Variants in NCOA4 observed in about 807,000 individuals in gnomAD.
NCOA4 encodes the protein nuclear receptor coactivator 4, also known as 70 kDa AR-activator.
A neutral mutation model predicts 69.5 loss-of-function variants in NCOA4; 31 were observed. The observed-to-expected ratio is 0.45, with a 90% CI of 0.34 to 0.60. The LOEUF is 0.60. Among genes scored for constraint, NCOA4 ranks in the 20% least tolerant of loss-of-function variants. The pLI, the probability that NCOA4 is intolerant of heterozygous loss-of-function variation, is 0.02. For missense variants in NCOA4, 600 were observed against 719.2 expected, an observed-to-expected ratio of 0.83 and a Z score of 1.90; for synonymous variants, 228 against 252.4, an observed-to-expected ratio of 0.90 and a Z score of 0.92.
At chr10:46,027,517 G>A (rs782627636) in intron 1 of NCOA4, 108 of 1,527,762 alleles carry the variant, frequency 7.1e-5, no homozygotes, top group Non-Finnish European at 9.4e-5. Context: ...GAAGCAATGT[G>A]TCCAGACATA....
chr10:46,027,581 C>T (rs1316435660), intron 1 of NCOA4: 2 of 1,083,430 alleles, frequency 1.8e-6, no homozygotes, highest in African/African-American at 1.6e-5. Context: ...TTTAAAAGGA[C>T]TAAAAAGTAG....
rs577193980 is a variant in NCOA4 at position 46,016,936 on chromosome 10, T to G, written c.-14-242A>C. Among the ~76,000 whole-genome samples the G allele has an allele frequency of 9.8e-5, 15 of 152,338 alleles. No individual in the cohort carries two copies. The South Asian group carries it at 3.1e-3, about 32-fold the overall frequency. ...GTGACACTTTACATGTGAATAGCTA[T>G]TTCTGGAAAAATACACTAATTGTCC... On this transcript the variant is annotated intron_variant, in intron 1 of 9. Transcript: ENST00000581486.
intron 9 of NCOA4, among the ~76,000 whole-genome samples, 163 bp from the exon 10 acceptor site, chr10:46,006,760 T>G (rs1838840880): frequency 6.6e-6 from 1 of 152,218 alleles, no homozygotes; most frequent in Admixed American, 6.5e-5. Flanking sequence ...CCATTAAAGA[T>G]GGTAAACTTT....
chr10:46,023,480 G>C (rs1431428735), intron 1 of NCOA4: 2 of 985,482 alleles, frequency 2.0e-6, no homozygotes, highest in South Asian at 4.7e-5. Flanking sequence ...TAGCGAGCTG[G>C]AGCGCTCAAG....
At position 46,005,263 on chromosome 10, in the gene NCOA4, A is replaced by G; in HGVS notation, c.*1329T>C. 4.7e-6 allele frequency: 1 copy of G among 214,278 alleles called. No individual in the cohort carries two copies. The allele number at this position is 214,278 out of a possible 1,614,324, so 13.3% of individuals were successfully genotyped here. On this transcript the variant is annotated 3_prime_UTR_variant, in exon 10 of 10. Coordinates refer to ENST00000581486, the MANE Select transcript of NCOA4 (RefSeq NM_001145263.2). ...CTCAAGATAACTGGAAAGGCTCCTT[A>G]CATTGTTTTTGCCCACCACCTTTAT...
intron 1 of NCOA4, among the ~76,000 whole-genome samples, chr10:46,021,836 G>GT (rs2132366837): frequency 6.6e-6 from 1 of 152,268 alleles, no homozygotes; most frequent in East Asian, 1.9e-4. Context: ...GCGCATGCCT[G>GT]TAATTCCAGC....
In NCOA4 at chr10:46,010,252, C is replaced by T; in HGVS notation, c.1669G>A (p.Asp557Asn). 2 of 1,610,458 alleles carry T rather than the reference C, an allele frequency of 1.2e-6. No homozygotes were observed. The highest frequency in any genetic ancestry group is 1.7e-6 in the Non-Finnish European group (2 of 1,178,866). Residue 557 changes from aspartate to asparagine, a missense_variant, in exon 8 of 10, where the codon GAC becomes AAC. Transcript: ENST00000581486. The part of the protein sequence containing the change: ...GNLSQLSSGE[D>N]KWLLRKKAQE... ...GCCTTCTTTCGAAGCAGCCACTTGT[C>T]TTCTCCAGAAGATAACTGGCTGAGG...
At position 46,005,726 on chromosome 10, in the gene NCOA4, T is replaced by TC. The variant is rs1256223661; in HGVS notation, c.*865dup. ...AAAGCACCAGGTGTCAAGCTCAGCT[T>TC]CCATTTACACAGGATGCACCAATTA... On this transcript the variant is annotated 3_prime_UTR_variant, in exon 10 of 10. Coordinates refer to ENST00000581486, the MANE Select transcript of NCOA4 (RefSeq NM_001145263.2). 27 of 216,742 alleles carry TC rather than the reference T, an allele frequency of 1.2e-4. No homozygotes were observed. The East Asian group carries it at 1.7e-3, about 14-fold the overall frequency. The allele number at this position is 216,742 out of a possible 1,614,324, so 13.4% of individuals were successfully genotyped here. A position where few individuals can be genotyped will look rare whatever the true frequency, so the allele number is the denominator to read the frequency against.
intron 9 of NCOA4, among the ~76,000 whole-genome samples, chr10:46,007,386 G>GT (rs1838892886): frequency 6.6e-6 from 1 of 152,178 alleles, no homozygotes; most frequent in African/African-American, 2.4e-5. Flanking sequence ...AATGCAAGGT[G>GT]AAGTAGCAAG....
In NCOA4 at chr10:46,014,550, A is replaced by G. The variant is rs1382319553; in HGVS notation, c.374T>C (p.Leu125Pro). The change falls in exon 5 of 10, where the codon CTG (leucine) becomes CCG (proline). Residue 125 changes from leucine to proline, a missense_variant and splice_region_variant. By Grantham distance (98) the Leu-to-Pro change is moderately conservative. Coordinates refer to ENST00000581486, the MANE Select transcript of NCOA4 (RefSeq NM_001145263.2). The part of the protein sequence containing the change: ...ANQVSVCLER[L>P]GSLTLKPEDS... ...TTCAGGCTTAAGGGTCAAACTGCCC[A>G]GTCTGGGGAAAAAAAAACAAAATTG... 1 of 1,593,726 alleles carries G rather than the reference A, an allele frequency of 6.3e-7. No homozygotes were observed. Among genetic ancestry groups the G allele is most frequent in the Non-Finnish European group, 8.5e-7 (1 of 1,172,458 alleles).
At chr10:46,013,508 C>T in intron 6 of NCOA4, 42 bp downstream of exon 6, 1 of 1,419,754 alleles carries the variant, frequency 7.0e-7, no homozygotes, top group Non-Finnish European at 9.9e-7. Flanking sequence ...GAAGTATAAG[C>T]CAAGTAATGA....
intron 7 of NCOA4, among the ~76,000 whole-genome samples, chr10:46,011,881 A>T (rs1194495922): frequency 2.6e-5 from 4 of 151,158 alleles, no homozygotes; most frequent in Non-Finnish European, 4.4e-5. Context: ...GAAACCCCGT[A>T]TCTACTAAAA....
At chr10:46,023,071 A>C (rs1398591964) in intron 1 of NCOA4, among the ~76,000 whole-genome samples, 1 of 152,246 alleles carries the variant, frequency 6.6e-6, no homozygotes, top group Non-Finnish European at 1.5e-5. Context: ...CTAAAGTAGT[A>C]ACTGAAAACC....
At chr10:46,027,402 G>A in intron 1 of NCOA4, 2 of 1,548,084 alleles carry the variant, frequency 1.3e-6, no homozygotes, top group Non-Finnish European at 1.7e-6. Flanking sequence ...TCCTCTAACT[G>A]ACATGCATGG....
rs554703246 is a variant in NCOA4 at position 46,030,521 on chromosome 10, C to T, written c.-15+5G>A. The T allele has an allele frequency of 6.6e-6, 1 of 152,528 alleles. No homozygotes were observed. The highest frequency in any genetic ancestry group is 2.4e-5 in the African/African-American group (1 of 41,606). The allele number at this position is 152,528 out of a possible 1,614,324, so 9.4% of individuals were successfully genotyped here. A position where few individuals can be genotyped will look rare whatever the true frequency, so the allele number is the denominator to read the frequency against. On this transcript the variant is annotated splice_donor_5th_base_variant and intron_variant, in intron 1 of 9. Transcript: ENST00000581486. ...GAGCCTCCACCCGGCCCACAGCGTT[C>T]TTACCAGGTCCGAGTGCCTCTCCAG...
At position 46,010,486 on chromosome 10, in the gene NCOA4, G is replaced by T; in HGVS notation, c.1435C>A (p.Pro479Thr). Residue 479 changes from proline (P) to threonine (T), a missense_variant, in exon 8 of 10, where the codon CCT (proline) becomes ACT (threonine). Transcript: ENST00000581486. The stretch of plus-strand genomic sequence containing the variant: ...TGGAAGGAATCAGCAATTCTAGAAG[G>T]AGTCATTGCCTTTGGTGCTTTAGTT... ...EQTKAPKAMTPSRIADSFQVI... is the reference protein window; with the variant it reads ...EQTKAPKAMTTSRIADSFQVI... The T allele has an allele frequency of 6.2e-7, 1 of 1,614,210 alleles. No homozygotes were observed.
rs1343752293 is a variant in NCOA4 at position 46,006,347 on chromosome 10, T to A, written c.*245A>T. On this transcript the variant is annotated 3_prime_UTR_variant, in exon 10 of 10. Coordinates refer to ENST00000581486, the MANE Select transcript of NCOA4 (RefSeq NM_001145263.2). The stretch of plus-strand genomic sequence containing the variant: ...AAGATGCTGCATTTCTAGTGTGGGG[T>A]GAATTAAAATACTTCTGTAAGAAGG... The A allele has an allele frequency of 1.9e-6, 1 of 518,886 alleles. No homozygotes were observed. The highest frequency in any genetic ancestry group is 3.5e-6 in the Non-Finnish European group (1 of 287,822). 32.1% of individuals were successfully genotyped at this position (518,886 alleles called of 1,614,324 possible).
chr10:46,015,135 C>G lies in NCOA4; in HGVS notation c.273G>C (p.Gln91His). ...CATGCAGTCACCTTACCGAGTAGAG[C>G]TGCTGAGCCTGCTGTTGAAGTGTCT... ...KEETLQQQAQ[Q>H]LYSLLGQFNC... The change falls in exon 3 of 10, where the codon CAG (glutamine) becomes CAC (histidine). Residue 91 changes from glutamine to histidine, a missense_variant. By Grantham distance (24) the Gln-to-His change is conservative. Transcript: ENST00000581486. The G allele has an allele frequency of 6.2e-7, 1 of 1,614,222 alleles. No homozygotes were observed. Among genetic ancestry groups the G allele is most frequent in the Non-Finnish European group, 8.5e-7 (1 of 1,180,048 alleles).
intron 5 of NCOA4, 89 bp from the exon 6 acceptor site, chr10:46,013,728 CA>C: frequency 1.1e-6 from 1 of 874,140 alleles, no homozygotes; most frequent in Non-Finnish European, 1.8e-6. Context: ...AATGTTAAAG[CA>C]TTACCATTTC....
Sources: allele counts gnomAD v4.1 joint callset (sites outside exome capture counted in the v4.1 genomes callset), GRCh38; gene constraint gnomAD v4.1.1; transcripts MANE v1.5; gene names NCBI Gene and HGNC (gene_info 2026-07-23, HGNC 2026-07-21).